SETD5: variants seen among roughly 807,000 people sequenced by gnomAD.
SETD5 encodes the protein histone-lysine N-methyltransferase SETD5.
A neutral mutation model predicts 153.3 loss-of-function variants in SETD5; 44 were observed. The observed-to-expected ratio is 0.29, with a 90% confidence interval of 0.23 to 0.37. SETD5 has a LOEUF of 0.37. SETD5 is among the 10% of genes least tolerant of loss of function. The pLI is 1.00. For missense variants in SETD5, 1,544 were observed against 1,768.0 expected (o/e 0.87, Z 2.27); for synonymous variants, 716 against 645.2 (o/e 1.11, Z -1.66).
At chr3:9,430,054 G>A in intron 3 of SETD5, 1 of 1,084,118 alleles carries the variant, frequency 9.2e-7, no homozygotes, top group African/African-American at 1.7e-5. Flanking sequence ...TGAGTGAGGT[G>A]GGTGTTGCTC....
chr3:9,426,686 C>T (rs2039300938), intron 2 of SETD5, among the ~76,000 whole-genome samples: 1 of 152,058 alleles, frequency 6.6e-6, no homozygotes, highest in Admixed American at 6.5e-5. Flanking sequence ...AGCCACCGCG[C>T]CTGGCGCACA....
rs1267542208 is a variant in SETD5, at chr3:9,453,784, T to C, written c.2392T>C (p.Ser798Pro). 5 of 1,608,690 alleles carry C rather than the reference T, an allele frequency of 3.1e-6. No individual in the cohort carries two copies. In the South Asian group the frequency reaches 4.4e-5, roughly 14 times the overall value. Reference sequence around the variant, plus strand: ...AGAAGAAGGGATGACTCAAACATCATCTGTACCCCAAGAGACTAGAACTCA... The same window carrying C: ...AGAAGAAGGGATGACTCAAACATCACCTGTACCCCAAGAGACTAGAACTCA... Reference protein sequence around the residue: ...ALEEGMTQTSSVPQETRTQHL... With the variant: ...ALEEGMTQTSPVPQETRTQHL... The change falls in exon 17 of 23, where the codon TCT becomes CCT. Residue 798 changes from serine to proline, a missense_variant. This residue lies in a region of SETD5 where 782 missense variants were observed against 787.2 expected (regional missense o/e 0.99). Transcript: ENST00000402198.
intron 1 of SETD5, among the ~76,000 whole-genome samples, chr3:9,418,008 T>TCGG (rs2037790414): frequency 6.7e-6 from 1 of 149,930 alleles, no homozygotes; most frequent in African/African-American, 2.5e-5. Flanking sequence ...TGGCGCGATC[T>TCGG]CGGCTCACTG....
intron 17 of SETD5, among the ~76,000 whole-genome samples, chr3:9,458,066 G>A (rs6782087): frequency 0.034 from 5,245 of 152,096 alleles, 334 homozygotes; most frequent in African/African-American, 0.12. Flanking sequence ...GTCAGAATAG[G>A]CCTAAATATA....
intron 10 of SETD5, 93 bp downstream of exon 10, chr3:9,442,338 C>A: frequency 1.1e-6 from 1 of 879,040 alleles, no homozygotes; most frequent in South Asian, 1.4e-5. Context: ...AGATAAAGGT[C>A]TGTAGATAAT....
chr3:9,452,659 A>ATTTTTT (rs1164278885), intron 16 of SETD5, among the ~76,000 whole-genome samples: 599 of 59,720 alleles, frequency 0.01, 9 homozygotes, highest in Non-Finnish European at 0.015. Context: ...ATGATGTAAG[A>ATTTTTT]TTTTTTTTTT....
chr3:9,465,677 T>C (rs909392994), intron 18 of SETD5, among the ~76,000 whole-genome samples: 38 of 152,260 alleles, frequency 2.5e-4, no homozygotes, highest in African/African-American at 8.7e-4. Context: ...CAGAACTGTA[T>C]TCTTTCTTAC....
At chr3:9,398,715 C>T (rs2034193279) in intron 1 of SETD5, 2 of 152,242 alleles carry the variant, frequency 1.3e-5, no homozygotes, top group African/African-American at 2.4e-5. Flanking sequence ...TATGAATTCT[C>T]TTTCCCTCTG....
intron 1 of SETD5, among the ~76,000 whole-genome samples, chr3:9,399,774 T>A (rs995041018): frequency 3.3e-5 from 5 of 151,454 alleles, no homozygotes; most frequent in Non-Finnish European, 5.9e-5. Flanking sequence ...GACCTTAGGA[T>A]TGTTTCTTTC....
intron 16 of SETD5, 141 bp from the exon 17 acceptor site, chr3:9,453,596 GAC>G: frequency 1.4e-6 from 1 of 699,594 alleles, no homozygotes; most frequent in Non-Finnish European, 2.2e-6. Flanking sequence ...AATATGCTGA[GAC>G]ACAAGACAAT....
rs147469652 is a variant in SETD5 at position 9,450,276 on chromosome 3, A to G, written c.2346+1646A>G. Among the ~76,000 whole-genome samples the G allele has an allele frequency of 3.3e-3, 501 of 152,336 alleles. 1 individual carries two copies. The highest frequency in any genetic ancestry group is 0.011 in the African/African-American group (478 of 41,570). ...AGTCCCTGTTATATTCTCCAAGTGT[A>G]TCTGACTATCCTTAATCTCATTTAT... On this transcript the variant is annotated intron_variant, in intron 16 of 22. Transcript: ENST00000402198.
At position 9,477,902 on chromosome 3, in the gene SETD5, C is replaced by G. The variant is rs1466379445; in HGVS notation, c.*1811C>G. ...TGGCTATTTAACCAAGGGGAGAGGC[C>G]AGCGGGCAGGCGGCCCTCACCCTGC... On this transcript the variant is annotated 3_prime_UTR_variant, in exon 23 of 23. Transcript: ENST00000402198. The G allele has an allele frequency of 6.7e-6, 1 of 149,172 alleles. No homozygotes were observed. Among genetic ancestry groups the G allele is most frequent in the Non-Finnish European group, 1.5e-5 (1 of 67,566 alleles). The allele number at this position is 149,172 out of a possible 1,614,324, so 9.2% of individuals were successfully genotyped here.
At chr3:9,453,690 A>G (rs759058280) in intron 16 of SETD5, 49 bp from the exon 17 acceptor site, 1 of 1,526,738 alleles carries the variant, frequency 6.5e-7, no homozygotes, top group South Asian at 1.3e-5. Context: ...AGGTGCACTA[A>G]ATAGTTTTAG....
intron 13 of SETD5, 39 bp downstream of exon 13, chr3:9,445,779 C>A: frequency 7.0e-7 from 1 of 1,432,680 alleles, no homozygotes; most frequent in Non-Finnish European, 9.6e-7. Context: ...CTTCTCATTC[C>A]TGCTACCTCC....
intron 1 of SETD5, among the ~76,000 whole-genome samples, chr3:9,411,630 G>T (rs1318181866): frequency 6.6e-6 from 1 of 152,180 alleles, no homozygotes; most frequent in East Asian, 1.9e-4. Context: ...TAAACATTAT[G>T]AGCATTATTT....
intron 1 of SETD5, among the ~76,000 whole-genome samples, chr3:9,418,050 C>T (rs2037797380): frequency 6.6e-6 from 1 of 151,282 alleles, no homozygotes; most frequent in South Asian, 2.1e-4. Flanking sequence ...ACGCCATTCT[C>T]CTGCCTCAGC....
intron 18 of SETD5, chr3:9,468,558 G>A (rs1043651343): frequency 4.6e-6 from 6 of 1,304,118 alleles, no homozygotes; most frequent in South Asian, 1.2e-5. Flanking sequence ...GCATAGGCCC[G>A]AGTCCCTGTC....
At chr3:9,413,139 G>A (rs1433866659) in intron 1 of SETD5, among the ~76,000 whole-genome samples, 1 of 152,156 alleles carries the variant, frequency 6.6e-6, no homozygotes, top group African/African-American at 2.4e-5. Context: ...TTTCCCTGTT[G>A]ATACTGCTTG....
At position 9,440,604 on chromosome 3, in the gene SETD5, C is replaced by T. The variant is rs375003888; in HGVS notation, c.716C>T (p.Ser239Phe). ...VQNALEQHLH[S>F]SKEFVGKPTI... ...AACGCGCTTGAACAACACCTACATT[C>T]TAGCAAGGAATTTGTGGGCAAACCT... Residue 239 changes from serine to phenylalanine, a missense_variant, in exon 8 of 23, where the codon TCT becomes TTT. By Grantham distance (155) the Ser-to-Phe change is radical (BLOSUM62 -2). This residue lies in a region of SETD5 where 251 missense variants were observed against 326.9 expected (regional missense o/e 0.77). Transcript: ENST00000402198. The T allele has an allele frequency of 1.2e-6, 2 of 1,613,800 alleles. No homozygotes were observed. The highest frequency in any genetic ancestry group is 2.7e-5 in the African/African-American group (2 of 74,914).
Sources: allele counts gnomAD v4.1 joint callset (sites outside exome capture counted in the v4.1 genomes callset), GRCh38; gene constraint gnomAD v4.1.1; regional missense constraint gnomAD v4.1.1; transcripts MANE v1.5; gene names NCBI Gene and HGNC (gene_info 2026-07-23, HGNC 2026-07-21).